Variants in CABP4 observed in about 807,000 individuals in gnomAD.
CABP4 encodes calcium-binding protein 4.
In CABP4, 30 loss-of-function variants were observed where a neutral mutation model predicts 30.7. That is an observed-to-expected ratio of 0.98 (90% CI 0.73 to 1.33). The LOEUF is 1.33. CABP4 is among the 40% of genes most tolerant of loss of function. The pLI is 0.00. For synonymous variants in CABP4, 161 were observed against 159.2 expected, an observed-to-expected ratio of 1.01 and a Z score of -0.08; for missense variants, 424 against 395.5, an observed-to-expected ratio of 1.07 and a Z score of -0.61.
Position 67,461,470 on chromosome 11 carries a change from A to G in CABP4, c.*2811A>G, listed in dbSNP as rs540764381. 6.6e-6 allele frequency among the ~76,000 whole-genome samples: 1 copy of G among 152,356 alleles called. No individual in the cohort carries two copies. The highest frequency in any genetic ancestry group is 6.5e-5 in the Admixed American group (1 of 15,294). ...GAGTAGGGTAAATAAAAATAAATAT[A>G]TATCTGGATATATCCCATTGAAACC... On this transcript the variant is annotated 3_prime_UTR_variant, in exon 6 of 6. Transcript: ENST00000325656.
At chr11:67,455,996 G>A (rs1864772543) in intron 1 of CABP4, 192 bp from the exon 2 acceptor site, 3 of 1,210,480 alleles carry the variant, frequency 2.5e-6, no homozygotes, top group Admixed American at 4.5e-5. Flanking sequence ...TCACACCAGG[G>A]CTCTGTGGGA....
At chr11:67,458,577 C>T in intron 5 of CABP4, 54 bp from the exon 6 acceptor site, 1 of 1,614,068 alleles carries the variant, frequency 6.2e-7, no homozygotes, top group Non-Finnish European at 8.5e-7. Context: ...GAGCCCAGCA[C>T]CTCCTGGGAT....
chr11:67,454,351 A>G (rs983166767), upstream of CABP4, among the ~76,000 whole-genome samples: 2 of 152,100 alleles, frequency 1.3e-5, no homozygotes, highest in Non-Finnish European at 2.9e-5. Flanking sequence ...GGCTCCAGCC[A>G]CTTGGCCTTT....
At position 67,459,260 on chromosome 11, in the gene CABP4, A is replaced by C. The variant is rs1864938948; in HGVS notation, c.*601A>C. 6.4e-6 allele frequency: 1 copy of C among 155,802 alleles called. No individual in the cohort carries two copies. The highest frequency in any genetic ancestry group is 2.4e-5 in the African/African-American group (1 of 41,592). 9.7% of individuals were successfully genotyped at this position (155,802 alleles called of 1,614,324 possible). A position where few individuals can be genotyped will look rare whatever the true frequency, so the allele number is the denominator to read the frequency against. On this transcript the variant is annotated 3_prime_UTR_variant, in exon 6 of 6. Transcript: ENST00000325656. ...TGTAAAAAAAGTGAGCTTGAAAGAA[A>C]GAAAGGGATGGCTCCATGTATCAAA...
chr11:67,452,627 G>C (rs778997675), upstream of CABP4: 19 of 1,613,688 alleles, frequency 1.2e-5, no homozygotes, highest in Non-Finnish European at 1.5e-5. Flanking sequence ...CAGGAAGACC[G>C]TGTCCCAGCC....
upstream of CABP4, chr11:67,452,463 T>C (rs1168655337): frequency 1.2e-6 from 2 of 1,612,082 alleles, no homozygotes; most frequent in Non-Finnish European, 1.7e-6. Flanking sequence ...ATCTCTAGGA[T>C]CTGGAAGGCC....
intron 5 of CABP4, 26 bp from the exon 6 acceptor site, chr11:67,458,605 C>G (rs760073070): frequency 6.2e-7 from 1 of 1,614,102 alleles, no homozygotes; most frequent in Non-Finnish European, 8.5e-7. Context: ...GTGGACTGAC[C>G]CAAGCCCTGC....
Position 67,458,622 on chromosome 11 carries a change from C to A in CABP4, c.800-9C>A. ...GGACTGACCCAAGCCCTGCCCTTCT[C>A]TCCCGCAGAGTTTGTGATGATGCTC... is the stretch of plus-strand genomic sequence containing the variant. On this transcript the variant is annotated splice_polypyrimidine_tract_variant and intron_variant, in intron 5 of 5. Coordinates refer to ENST00000325656, the MANE Select transcript of CABP4 (RefSeq NM_145200.5). The A allele has an allele frequency of 6.2e-7, 1 of 1,614,098 alleles. No homozygotes were observed. The highest frequency in any genetic ancestry group is 8.5e-7 in the Non-Finnish European group (1 of 1,180,016).
rs191420904 is a variant in CABP4 at position 67,460,845 on chromosome 11, C to T, written c.*2186C>T. ...AAAATACAAAAAAAAATTAGCTGGG[C>T]GTGGTGGCGGGCGCCTGTAGTCCCA... is the stretch of plus-strand genomic sequence containing the variant. On this transcript the variant is annotated 3_prime_UTR_variant, in exon 6 of 6. Transcript: ENST00000325656. Among the ~76,000 whole-genome samples the T allele has an allele frequency of 5.3e-4, 81 of 151,906 alleles. No individual in the cohort carries two copies. In the East Asian group the frequency reaches 6.2e-3, roughly 12 times the overall value.
At chr11:67,452,847 C>T (rs556292542), upstream of CABP4, 10 of 752,764 alleles carry the variant, frequency 1.3e-5, no homozygotes, top group African/African-American at 1.1e-4. Flanking sequence ...TCCCTCCCTG[C>T]GCCATTGTCA....
upstream of CABP4, among the ~76,000 whole-genome samples, chr11:67,454,889 C>T (rs1864702614): frequency 6.6e-6 from 1 of 152,350 alleles, no homozygotes; most frequent in East Asian, 1.9e-4. Context: ...CACACACCCT[C>T]TGCTCTGGCC....
chr11:67,458,275 T>TA (rs1864892483), intron 4 of CABP4, 96 bp from the exon 5 acceptor site: 1 of 1,009,222 alleles, frequency 9.9e-7, no homozygotes, highest in Non-Finnish European at 1.3e-6. Flanking sequence ...AAAATAAAAA[T>TA]AAATAAAATA....
At chr11:67,454,724 G>A (rs926245172), upstream of CABP4, among the ~76,000 whole-genome samples, 1 of 152,140 alleles carries the variant, frequency 6.6e-6, no homozygotes, top group South Asian at 2.1e-4. Context: ...CCCTCCCCCA[G>A]CCCTGATGGG....
At position 67,458,741 on chromosome 11, in the gene CABP4, C is replaced by T; in HGVS notation, c.*82C>T. The T allele has an allele frequency of 2.6e-6, 4 of 1,560,016 alleles. No homozygotes were observed. Among genetic ancestry groups the T allele is most frequent in the Non-Finnish European group, 3.5e-6 (4 of 1,136,928 alleles). On this transcript the variant is annotated 3_prime_UTR_variant, in exon 6 of 6. Coordinates refer to ENST00000325656, the MANE Select transcript of CABP4 (RefSeq NM_145200.5). ...GCTGCAGGCCTCCCCCAGGAGCCTC[C>T]AGGATGGAGATGGAGACCCAGCAGC...
In CABP4 at chr11:67,455,670, G is replaced by A. The variant is rs763071394; in HGVS notation, c.247G>A (p.Ala83Thr). The A allele has an allele frequency of 1.3e-5, 21 of 1,607,902 alleles. No individual in the cohort carries two copies. The highest frequency in any genetic ancestry group is 2.2e-5 in the South Asian group (2 of 90,474). ...CAGCACTGGAGAGGGGCCGGCGGGC[G>A]CACCCCCTGCATCCCCTGGGCCGGC... ...PPSTGEGPAG[A>T]PPASPGPASS... Residue 83 changes from alanine to threonine, a missense_variant, in exon 1 of 6, where the codon GCA becomes ACA. By Grantham distance (58) the Ala-to-Thr change is moderately conservative. Coordinates refer to ENST00000325656, the MANE Select transcript of CABP4 (RefSeq NM_145200.5).
Position 67,458,759 on chromosome 11 carries a change from C to T in CABP4, c.*100C>T. The stretch of plus-strand genomic sequence containing the variant: ...GAGCCTCCAGGATGGAGATGGAGAC[C>T]CAGCAGCCCCCAGACTACTTCTATC... On this transcript the variant is annotated 3_prime_UTR_variant, in exon 6 of 6. Transcript: ENST00000325656. The T allele has an allele frequency of 7.2e-7, 1 of 1,386,878 alleles. No homozygotes were observed. Among genetic ancestry groups the T allele is most frequent in the South Asian group, 1.2e-5 (1 of 85,512 alleles). The allele number at this position is 1,386,878 out of a possible 1,614,324, so 85.9% of individuals were successfully genotyped here.
Position 67,455,504 on chromosome 11 carries a change from T to TA in CABP4, c.81_82insA (p.Pro28ThrfsTer4), listed in dbSNP as rs786205852. 1.2e-6 allele frequency: 2 copies of TA among 1,606,350 alleles called. No individual in the cohort carries two copies. The highest frequency in any genetic ancestry group is 3.3e-4 in the Middle Eastern group (2 of 6,022). ...AGAAGCCCCCTGCGGGGGTTGTGAC[T>TA]CCCAAGAGTGATGCAGAGGAGCCCC... On this transcript the variant is annotated frameshift_variant, in exon 1 of 6. Transcript: ENST00000325656. LOFTEE classifies it high-confidence loss of function.
In CABP4 at chr11:67,458,858, A is replaced by G; in HGVS notation, c.*199A>G. 1.5e-6 allele frequency: 1 copy of G among 663,754 alleles called. No individual in the cohort carries two copies. The highest frequency in any genetic ancestry group is 2.7e-6 in the Non-Finnish European group (1 of 373,446). The allele number at this position is 663,754 out of a possible 1,614,324, so 41.1% of individuals were successfully genotyped here. Reference sequence around the variant, plus strand: ...CCTCATCCTTACCTCCTCCTACTCAAGCTGCCTGGAGAAGACCTGCTCTCA... The same window carrying G: ...CCTCATCCTTACCTCCTCCTACTCAGGCTGCCTGGAGAAGACCTGCTCTCA... On this transcript the variant is annotated 3_prime_UTR_variant, in exon 6 of 6. Coordinates refer to ENST00000325656, the MANE Select transcript of CABP4 (RefSeq NM_145200.5).
chr11:67,456,316 G>A lies in CABP4; in HGVS notation c.415G>A (p.Glu139Lys), dbSNP rs769103245. ...EELDELQAAFEEFDTDRDGYI... is the reference protein window; with the variant it reads ...EELDELQAAFKEFDTDRDGYI... ...CTCCACAGAGCTTCAGGCCGCCTTC[G>A]AGGAGTTTGACACTGACCGTGACGG... The change falls in exon 3 of 6, where the codon GAG (glutamate) becomes AAG (lysine). Residue 139 changes from glutamate to lysine, a missense_variant. Transcript: ENST00000325656. The A allele has an allele frequency of 5.2e-5, 84 of 1,613,780 alleles. No homozygotes were observed. Among genetic ancestry groups the A allele is most frequent in the Non-Finnish European group, 6.4e-5 (76 of 1,180,018 alleles).
Sources: gnomAD v4.1 joint callset for allele counts (sites outside exome capture counted in the v4.1 genomes callset) on GRCh38, gnomAD v4.1.1 for gene constraint, MANE v1.5 for transcripts, NCBI Gene and HGNC (gene_info 2026-07-23, HGNC 2026-07-21) for gene names.